The following CUL5 variants were observed in gnomAD, a reference collection of about 807,000 sequenced individuals.
CUL5 encodes cullin 5, also known as cullin-5.
Under a neutral mutation model 108.8 loss-of-function variants are expected in CUL5, and 26 were observed. The ratio of observed to expected loss-of-function variants is 0.24; its 90% CI spans 0.18 to 0.33. The LOEUF is 0.33. Ranked by LOEUF, CUL5 falls within the 10% of genes least tolerant of loss-of-function variation. CUL5 has a pLI of 1.00. For synonymous variants in CUL5, 334 were observed against 298.0 expected (o/e 1.12, Z -1.25); for missense variants, 524 against 909.2 (o/e 0.58, Z 5.45).
intron 3 of CUL5, among the ~76,000 whole-genome samples, chr11:108,049,315 T>C (rs1262459955): frequency 1.3e-5 from 2 of 152,128 alleles, no homozygotes. Context: ...TACCATATAT[T>C]GTGGGGTTTT....
chr11:108,072,599 T>C, intron 9 of CUL5, 137 bp downstream of exon 9: 1 of 578,460 alleles, frequency 1.7e-6, no homozygotes. Flanking sequence ...GGTATAAAGT[T>C]ATAGTTCAAT....
chr11:108,094,613 A>G (rs1434031759), intron 14 of CUL5, 99 bp downstream of exon 14: 6 of 845,046 alleles, frequency 7.1e-6, no homozygotes, highest in Non-Finnish European at 1.0e-5. Context: ...ATAGATCGAA[A>G]GATGTTATGA....
chr11:108,052,092 A>G (rs192211454), intron 4 of CUL5, among the ~76,000 whole-genome samples: 1 of 152,116 alleles, frequency 6.6e-6, no homozygotes, highest in Non-Finnish European at 1.5e-5. Flanking sequence ...CAGCCTCCCA[A>G]GTAGCTGGGA....
At chr11:108,014,896 A>ATTATTT (rs943344105) in intron 1 of CUL5, among the ~76,000 whole-genome samples, 2 of 152,052 alleles carry the variant, frequency 1.3e-5, no homozygotes, top group African/African-American at 4.8e-5. Flanking sequence ...TATTATTATT[A>ATTATTT]TTATTTTTAT....
chr11:108,038,376 G>C (rs140101768), intron 2 of CUL5, among the ~76,000 whole-genome samples: 1 of 152,016 alleles, frequency 6.6e-6, no homozygotes, highest in Non-Finnish European at 1.5e-5. Flanking sequence ...ACAGTTAGTG[G>C]CCTCAACATG....
At chr11:108,077,486 C>A (rs1404982386) in intron 10 of CUL5, among the ~76,000 whole-genome samples, 2 of 152,036 alleles carry the variant, frequency 1.3e-5, no homozygotes, top group Admixed American at 1.3e-4. Context: ...AAAAATTAGC[C>A]AGGCACGGTG....
intron 2 of CUL5, among the ~76,000 whole-genome samples, chr11:108,041,285 CTTT>C (rs1218828144): frequency 1.4e-5 from 2 of 142,970 alleles, no homozygotes; most frequent in Admixed American, 7.0e-5. Context: ...TCTGTTTTTT[CTTT>C]TTTTTTTTTT....
chr11:108,104,304 G>C lies in CUL5; in HGVS notation c.2263G>C (p.Glu755Gln). The C allele has an allele frequency of 1.2e-6, 2 of 1,610,358 alleles. No individual in the cohort carries two copies. The highest frequency in any genetic ancestry group is 1.7e-6 in the Non-Finnish European group (2 of 1,178,736). ...CTTGCCACAAAAGAAAATGATAAAA[G>C]AGCAAATAGAGTGGCTAATAGAGCA... ...MFLPQKKMIK[E>Q]QIEWLIEHKY... The change falls in exon 19 of 19, where the codon GAG (glutamate) becomes CAG (glutamine). Residue 755 changes from glutamate (E) to glutamine (Q), a missense_variant. Glu to Gln is a conservative substitution (Grantham distance 29). Coordinates refer to ENST00000393094, the MANE Select transcript of CUL5 (RefSeq NM_003478.6).
At chr11:108,048,980 T>C (rs1458661245) in intron 3 of CUL5, among the ~76,000 whole-genome samples, 2 of 152,090 alleles carry the variant, frequency 1.3e-5, no homozygotes, top group Non-Finnish European at 2.9e-5. Flanking sequence ...CCACCACCTT[T>C]TAAAAACTTG....
intron 18 of CUL5, 64 bp downstream of exon 18, chr11:108,098,593 A>C: frequency 1.7e-6 from 2 of 1,163,706 alleles, no homozygotes; most frequent in Middle Eastern, 2.6e-4. Context: ...TTTTTTTTTA[A>C]ATTTTGAAAT....
chr11:108,048,153 G>A (rs1313380086), intron 3 of CUL5, among the ~76,000 whole-genome samples: 1 of 150,112 alleles, frequency 6.7e-6, no homozygotes, highest in East Asian at 1.9e-4. Context: ...TTTTACTTAG[G>A]CAATCTTCAG....
intron 2 of CUL5, among the ~76,000 whole-genome samples, chr11:108,038,199 G>T (rs957504710): frequency 6.6e-6 from 1 of 150,486 alleles, no homozygotes; most frequent in Non-Finnish European, 1.5e-5. Flanking sequence ...TGATATGTTG[G>T]GTGTGGTGGG....
chr11:108,072,666 A>G (rs1256534310), intron 9 of CUL5, among the ~76,000 whole-genome samples: 1 of 152,148 alleles, frequency 6.6e-6, no homozygotes, highest in African/African-American at 2.4e-5. Context: ...GCAAGTAACA[A>G]TGTAGTGTAT....
At chr11:108,064,043 C>A (rs887942349) in intron 7 of CUL5, among the ~76,000 whole-genome samples, 1 of 152,208 alleles carries the variant, frequency 6.6e-6, no homozygotes, top group African/African-American at 2.4e-5. Flanking sequence ...ATTCCTCTAA[C>A]TACAACTTCC....
chr11:108,089,133 CAGAA>C (rs755302125), intron 12 of CUL5, among the ~76,000 whole-genome samples: 4 of 151,580 alleles, frequency 2.6e-5, no homozygotes, highest in African/African-American at 4.9e-5. Flanking sequence ...CAAGTGTAGA[CAGAA>C]AGGCCGAGAG....
intron 18 of CUL5, among the ~76,000 whole-genome samples, chr11:108,102,417 T>C (rs561129807): frequency 6.6e-6 from 1 of 152,168 alleles, no homozygotes; most frequent in Admixed American, 6.5e-5. Context: ...ACCTCTGCCT[T>C]TCAGGCTCAA....
intron 2 of CUL5, among the ~76,000 whole-genome samples, chr11:108,040,456 A>G (rs1251220804): frequency 6.6e-6 from 1 of 152,120 alleles, no homozygotes; most frequent in Non-Finnish European, 1.5e-5. Flanking sequence ...TACTAAAAAT[A>G]CAAAAATCGG....
intron 18 of CUL5, among the ~76,000 whole-genome samples, chr11:108,098,948 A>C (rs1203425880): frequency 6.6e-6 from 1 of 151,594 alleles, no homozygotes; most frequent in Non-Finnish European, 1.5e-5. Context: ...TTTAAAACCA[A>C]ATTTTTCAAC....
intron 1 of CUL5, among the ~76,000 whole-genome samples, chr11:108,019,293 A>T (rs1343176189): frequency 6.6e-6 from 1 of 152,056 alleles, no homozygotes; most frequent in East Asian, 1.9e-4. Flanking sequence ...GTTAGTGGGG[A>T]TTGGCAAATG....
Sources: gnomAD v4.1 joint callset for allele counts (sites outside exome capture counted in the v4.1 genomes callset) on GRCh38, gnomAD v4.1.1 for gene constraint, MANE v1.5 for transcripts, NCBI Gene and HGNC (gene_info 2026-07-23, HGNC 2026-07-21) for gene names.